Variants in PTPRT observed in about 807,000 individuals in gnomAD.
The protein encoded by PTPRT is receptor-type tyrosine-protein phosphatase T.
A neutral mutation model predicts 176.8 loss-of-function variants in PTPRT; 56 were observed. The ratio of observed to expected loss-of-function variants is 0.32; its 90% CI spans 0.26 to 0.40. PTPRT has a LOEUF of 0.40. Among genes scored for constraint, PTPRT ranks in the 10% least tolerant of loss-of-function variants. PTPRT has a pLI of 1.00. For synonymous variants in PTPRT, 783 were observed against 739.0 expected, an observed-to-expected ratio of 1.06 and a Z score of -0.96; for missense variants, 1,540 against 1,908.2, an observed-to-expected ratio of 0.81 and a Z score of 3.60.
chr20:42,611,178 T>C (rs1359184989), intron 7 of PTPRT, among the ~76,000 whole-genome samples: 1 of 152,242 alleles, frequency 6.6e-6, no homozygotes, highest in African/African-American at 2.4e-5. Context: ...TTATCTTGGA[T>C]ATGGACTTAG....
intron 15 of PTPRT, among the ~76,000 whole-genome samples, chr20:42,235,195 G>A (rs183772706): frequency 1.9e-3 from 292 of 152,210 alleles, no homozygotes; most frequent in Non-Finnish European, 3.2e-3. Context: ...AGGATCTACT[G>A]TACAGAGTTG....
intron 9 of PTPRT, among the ~76,000 whole-genome samples, chr20:42,413,419 C>A (rs956114436): frequency 1.3e-5 from 2 of 152,072 alleles, no homozygotes; most frequent in Non-Finnish European, 2.9e-5. Flanking sequence ...AAGTGAAAGA[C>A]AATTTAGGAA....
intron 1 of PTPRT, among the ~76,000 whole-genome samples, chr20:43,098,680 C>G (rs1281535956): frequency 3.3e-5 from 5 of 151,772 alleles, no homozygotes; most frequent in African/African-American, 1.2e-4. Flanking sequence ...TGGAAAGTGA[C>G]CCCATGGTTT....
chr20:43,163,429 G>A lies in PTPRT; in HGVS notation c.88+26217C>T, dbSNP rs1053507398. ...CGAGGGGGGCAAATCACGAGGTCAC[G>A]AGATCAAGACCATCCTGGCTAACAT... On this transcript the variant is annotated intron_variant, in intron 1 of 30. Transcript: ENST00000373187. 4.6e-5 allele frequency among the ~76,000 whole-genome samples: 7 copies of A among 152,280 alleles called. No homozygotes were observed. The South Asian group carries it at 8.3e-4, about 18-fold the overall frequency.
chr20:42,317,815 G>C (rs2057742336), intron 11 of PTPRT, among the ~76,000 whole-genome samples: 1 of 152,220 alleles, frequency 6.6e-6, no homozygotes, highest in Admixed American at 6.5e-5. Flanking sequence ...GGGCATATGA[G>C]TATATGCCAC....
intron 1 of PTPRT, among the ~76,000 whole-genome samples, chr20:43,154,852 T>C (rs1410896449): frequency 2.0e-5 from 3 of 152,062 alleles, no homozygotes; most frequent in Non-Finnish European, 4.4e-5. Context: ...AGCAATTATA[T>C]AGCAAGGAAA....
chr20:42,824,405 T>C (rs938974131), intron 2 of PTPRT, among the ~76,000 whole-genome samples: 1 of 152,010 alleles, frequency 6.6e-6, no homozygotes, highest in African/African-American at 2.4e-5. Flanking sequence ...AAAAGAGTGT[T>C]GTACTGACAT....
intron 9 of PTPRT, among the ~76,000 whole-genome samples, chr20:42,441,525 G>A (rs951708969): frequency 3.9e-5 from 6 of 152,176 alleles, no homozygotes; most frequent in Admixed American, 2.0e-4. Flanking sequence ...CAAAGCAGAC[G>A]AGGAACAGGA....
intron 12 of PTPRT, among the ~76,000 whole-genome samples, chr20:42,290,439 C>A (rs1230739773): frequency 6.6e-6 from 1 of 151,948 alleles, no homozygotes; most frequent in Non-Finnish European, 1.5e-5. Context: ...CTCTCTGTCC[C>A]TTTCTGTGGC....
intron 1 of PTPRT, among the ~76,000 whole-genome samples, chr20:43,168,350 C>A (rs979550538): frequency 6.6e-6 from 1 of 152,154 alleles, no homozygotes; most frequent in Non-Finnish European, 1.5e-5. Flanking sequence ...AATGACAGCA[C>A]CTGGCCTGTC....
chr20:42,099,549 G>GT (rs1214956579), intron 26 of PTPRT, among the ~76,000 whole-genome samples: 1 of 60,420 alleles, frequency 1.7e-5, no homozygotes, highest in Non-Finnish European at 4.2e-5. Flanking sequence ...GCCTGGGCGG[G>GT]GGGGGGGGGG....
intron 1 of PTPRT, among the ~76,000 whole-genome samples, chr20:42,909,184 A>G (rs1156731539): frequency 2.0e-5 from 3 of 152,168 alleles, no homozygotes; most frequent in African/African-American, 7.2e-5. Context: ...ACATATATAC[A>G]TACATACATA....
In PTPRT at chr20:42,545,389, G is replaced by C. The variant is rs186388381; in HGVS notation, c.1154-72827C>G. On this transcript the variant is annotated intron_variant, in intron 7 of 30. Coordinates refer to ENST00000373187, the MANE Select transcript of PTPRT (RefSeq NM_007050.6). Reference sequence around the variant, plus strand: ...AAGCAGCCAGAGCCAGCTGACAGCAGTGTGTGCAGCCCTCCACACAAACGG... The same window carrying C: ...AAGCAGCCAGAGCCAGCTGACAGCACTGTGTGCAGCCCTCCACACAAACGG... 1.9e-3 allele frequency among the ~76,000 whole-genome samples: 292 copies of C among 152,248 alleles called. 1 individual carries two copies. The highest frequency in any genetic ancestry group is 6.7e-3 in the African/African-American group (279 of 41,554).
At chr20:42,891,282 G>A (rs2079188274) in intron 1 of PTPRT, among the ~76,000 whole-genome samples, 1 of 152,196 alleles carries the variant, frequency 6.6e-6, no homozygotes, top group Admixed American at 6.5e-5. Context: ...GGGCTCAGCT[G>A]AGGTTTGGTG....
intron 24 of PTPRT, 41 bp downstream of exon 24, chr20:42,106,745 G>A: frequency 6.2e-7 from 1 of 1,602,116 alleles, no homozygotes; most frequent in South Asian, 1.1e-5. Context: ...TCCTTGGTCA[G>A]GGCTACAGGT....
At chr20:43,090,628 G>A (rs1049612251) in intron 1 of PTPRT, among the ~76,000 whole-genome samples, 1 of 151,886 alleles carries the variant, frequency 6.6e-6, no homozygotes, top group African/African-American at 2.4e-5. Context: ...CAGAAATTAA[G>A]AACATGCCTG....
chr20:42,058,882 C>A, the PTPRT span, among the ~76,000 whole-genome samples: 1 of 152,124 alleles, frequency 6.6e-6, no homozygotes, highest in African/African-American at 2.4e-5. Flanking sequence ...CAAAAGCTCA[C>A]AAGGATTGAC....
intron 12 of PTPRT, among the ~76,000 whole-genome samples, chr20:42,305,201 A>C (rs983019583): frequency 4.6e-5 from 7 of 151,896 alleles, no homozygotes; most frequent in Non-Finnish European, 7.4e-5. Context: ...AAAAATACAA[A>C]AATTAGCCAG....
At chr20:42,915,934 GTGCCCAATTGT>G (rs1268085982) in intron 1 of PTPRT, among the ~76,000 whole-genome samples, 4 of 151,710 alleles carry the variant, frequency 2.6e-5, no homozygotes, top group African/African-American at 9.7e-5. Flanking sequence ...TCCCTCATGA[GTGCCCAATTGT>G]TGTTGTTGTT....
Sources: gnomAD v4.1 joint callset for allele counts (sites outside exome capture counted in the v4.1 genomes callset) on GRCh38, gnomAD v4.1.1 for gene constraint, MANE v1.5 for transcripts, NCBI Gene and HGNC (gene_info 2026-07-23, HGNC 2026-07-21) for gene names.